Variants in CELF4 observed in about 807,000 individuals in gnomAD.
CELF4 encodes the protein CUG-BP- and ETR-3-like factor 4.
A neutral mutation model predicts 59.9 loss-of-function variants in CELF4; 18 were observed. That is an observed-to-expected ratio of 0.30 (90% CI 0.21 to 0.45). The LOEUF (loss-of-function observed/expected upper bound fraction) is 0.45, where lower values mean the gene tolerates loss of function less well. Ranked by LOEUF, CELF4 falls within the 20% of genes least tolerant of loss-of-function variation. The pLI is 1.00. For synonymous variants in CELF4, 261 were observed against 267.1 expected, an observed-to-expected ratio of 0.98 and a Z score of 0.22; for missense variants, 456 against 689.0, an observed-to-expected ratio of 0.66 and a Z score of 3.79.
At chr18:37,516,100 C>G (rs1200492096) in intron 1 of CELF4, among the ~76,000 whole-genome samples, 1 of 152,096 alleles carries the variant, frequency 6.6e-6, no homozygotes, top group Non-Finnish European at 1.5e-5. Flanking sequence ...GGTATTAGAC[C>G]TTTTCAGTCT....
chr18:37,248,807 T>C (rs573147718), intron 12 of CELF4, among the ~76,000 whole-genome samples: 131 of 152,226 alleles, frequency 8.6e-4, no homozygotes, highest in Non-Finnish European at 1.6e-3. Context: ...TCCCCATAGT[T>C]ATCTTGAGCT....
At chr18:37,376,157 C>A (rs988745471) in intron 2 of CELF4, among the ~76,000 whole-genome samples, 2 of 152,104 alleles carry the variant, frequency 1.3e-5, no homozygotes, top group Non-Finnish European at 2.9e-5. Context: ...TCTTCCTGAC[C>A]AGCCCTCACC....
At position 37,399,192 on chromosome 18, in the gene CELF4, C is replaced by T. The variant is rs148804643; in HGVS notation, c.370-77311G>A. Among the ~76,000 whole-genome samples the T allele has an allele frequency of 3.3e-5, 5 of 152,064 alleles. No homozygotes were observed. The East Asian group carries it at 9.7e-4, about 29-fold the overall frequency. On this transcript the variant is annotated intron_variant, in intron 2 of 12. Transcript: ENST00000420428. ...AAACTCATACTGAAAATTTAATTGC[C>T]ATTGTGATATTAAGGGATGGGACAT...
intron 2 of CELF4, among the ~76,000 whole-genome samples, chr18:37,460,177 A>T (rs2099789727): frequency 6.6e-6 from 1 of 151,996 alleles, no homozygotes; most frequent in African/African-American, 2.4e-5. Context: ...CTGTGTAGAG[A>T]TCTTAACCCT....
At chr18:37,325,161 C>T (rs994951426) in intron 2 of CELF4, among the ~76,000 whole-genome samples, 3 of 140,834 alleles carry the variant, frequency 2.1e-5, no homozygotes, top group East Asian at 3.5e-4. Flanking sequence ...TCTGTCCCAA[C>T]GGGGGAGTGA....
intron 1 of CELF4, among the ~76,000 whole-genome samples, chr18:37,513,327 T>C (rs2099946697): frequency 6.6e-6 from 1 of 152,198 alleles, no homozygotes; most frequent in African/African-American, 2.4e-5. Flanking sequence ...TTTCAATCCA[T>C]ATCTGTCATC....
chr18:37,287,500 G>C (rs999401981), intron 3 of CELF4, among the ~76,000 whole-genome samples: 1 of 152,216 alleles, frequency 6.6e-6, no homozygotes, highest in African/African-American at 2.4e-5. Context: ...TCAGCACGCG[G>C]CTTAGCCCCT....
At chr18:37,509,955 G>A (rs2099942375) in intron 1 of CELF4, among the ~76,000 whole-genome samples, 1 of 152,192 alleles carries the variant, frequency 6.6e-6, no homozygotes, top group Non-Finnish European at 1.5e-5. Flanking sequence ...TCCAGAATAA[G>A]TAAATCCATG....
chr18:37,307,406 T>C (rs1448628189), intron 3 of CELF4, among the ~76,000 whole-genome samples: 1 of 152,102 alleles, frequency 6.6e-6, no homozygotes, highest in Non-Finnish European at 1.5e-5. Flanking sequence ...AAAACATGCA[T>C]GATAAATGCC....
rs2060815001 is a variant in CELF4 at position 37,243,167 on chromosome 18, CTTTTTTTTTTCTTTTTTTCTTTTTTT to C, written c.*2049_*2074del. Reference sequence around the variant, plus strand: ...AGTTGTACTGAACTGCAGCTGTTTTCTTTTTTTTTTCTTTTTTTCTTTTTTTTTTTTTTTTTTTTACATCTGGACAT... The same window carrying C: ...AGTTGTACTGAACTGCAGCTGTTTTCTTTTTTTTTTTTTACATCTGGACAT... On this transcript the variant is annotated 3_prime_UTR_variant, in exon 13 of 13. Transcript: ENST00000420428. 8.6e-6 allele frequency: 1 copy of C among 115,670 alleles called. No homozygotes were observed. Among genetic ancestry groups the C allele is most frequent in the African/African-American group, 2.9e-5 (1 of 34,130 alleles). 7.2% of individuals were successfully genotyped at this position (115,670 alleles called of 1,614,324 possible). A position where few individuals can be genotyped will look rare whatever the true frequency, so the allele number is the denominator to read the frequency against.
chr18:37,349,576 G>A (rs1037704655), intron 2 of CELF4, among the ~76,000 whole-genome samples: 5 of 152,168 alleles, frequency 3.3e-5, no homozygotes, highest in Non-Finnish European at 5.9e-5. Context: ...CACTTATTGT[G>A]CATGAAGGAC....
At chr18:37,470,879 T>TGACAGAGAGA (rs1569569553) in intron 2 of CELF4, among the ~76,000 whole-genome samples, 1 of 85,102 alleles carries the variant, frequency 1.2e-5, no homozygotes, top group East Asian at 4.6e-4. Context: ...TGTGTGTGTG[T>TGACAGAGAGA]GTGTGTGTGA....
chr18:37,412,840 G>A (rs1380301798), intron 2 of CELF4, among the ~76,000 whole-genome samples: 1 of 152,102 alleles, frequency 6.6e-6, no homozygotes, highest in Non-Finnish European at 1.5e-5. Flanking sequence ...TGACTGGACT[G>A]AGCGGCTGCC....
chr18:37,386,864 T>C (rs528109156), intron 2 of CELF4, among the ~76,000 whole-genome samples: 82 of 152,226 alleles, frequency 5.4e-4, no homozygotes, highest in Non-Finnish European at 1.1e-3. Context: ...AGTGGGGCTC[T>C]GTGAATTCTC....
intron 2 of CELF4, among the ~76,000 whole-genome samples, chr18:37,341,688 A>G (rs902867475): frequency 6.6e-6 from 1 of 152,160 alleles, no homozygotes; most frequent in Non-Finnish European, 1.5e-5. Flanking sequence ...AGCATGCTCC[A>G]GAGGGGACCC....
intron 2 of CELF4, among the ~76,000 whole-genome samples, chr18:37,409,195 G>A (rs957575270): frequency 6.6e-6 from 1 of 152,236 alleles, no homozygotes; most frequent in African/African-American, 2.4e-5. Context: ...TTTCCCACCA[G>A]CTTTCTGGGA....
intron 2 of CELF4, among the ~76,000 whole-genome samples, chr18:37,367,248 ATGGAGCAGG>A (rs2098796750): frequency 1.3e-5 from 2 of 152,158 alleles, no homozygotes; most frequent in South Asian, 4.2e-4. Context: ...GTTGGAGAGC[ATGGAGCAGG>A]TGGACAGAAA....
At chr18:37,553,714 A>G (rs114857589) in intron 1 of CELF4, among the ~76,000 whole-genome samples, 296 of 152,218 alleles carry the variant, frequency 1.9e-3, no homozygotes, top group African/African-American at 6.4e-3. Context: ...AGTGAGGGAA[A>G]TGACGTGGAG....
chr18:37,511,234 A>G (rs554851206), intron 1 of CELF4, among the ~76,000 whole-genome samples: 9 of 152,278 alleles, frequency 5.9e-5, no homozygotes, highest in African/African-American at 2.2e-4. Context: ...ACAGGTATGC[A>G]TCAGCTGCCC....
Sources: gnomAD v4.1 joint callset for allele counts (sites outside exome capture counted in the v4.1 genomes callset) on GRCh38, gnomAD v4.1.1 for gene constraint, MANE v1.5 for transcripts, NCBI Gene and HGNC (gene_info 2026-07-23, HGNC 2026-07-21) for gene names.